Variants in OBSL1 observed in about 807,000 individuals in gnomAD.
OBSL1 encodes the protein obscurin like cytoskeletal adaptor 1.
Under a neutral mutation model 172.0 loss-of-function variants are expected in OBSL1, and 160 were observed. The observed-to-expected ratio is 0.93, with a 90% CI of 0.82 to 1.06. OBSL1 has a LOEUF of 1.06. OBSL1 is among the 50% of genes least tolerant of loss of function. OBSL1 has a pLI of 0.00. For synonymous variants in OBSL1, 1,200 were observed against 1,196.3 expected (o/e 1.00, Z -0.06); for missense variants, 2,681 against 2,715.4 (o/e 0.99, Z 0.28).
intron 5 of OBSL1, among the ~76,000 whole-genome samples, chr2:219,566,421 T>C (rs1176792267): frequency 2.7e-5 from 4 of 150,496 alleles, no homozygotes; most frequent in East Asian, 3.9e-4. Context: ...ATTGAGAAGA[T>C]TGTGTTAATG....
chr2:219,555,057 C>A, intron 14 of OBSL1: 1 of 380,862 alleles, frequency 2.6e-6, no homozygotes, highest in Non-Finnish European at 4.8e-6. Context: ...AGGAATGGAA[C>A]CTCGCTCTAC....
chr2:219,567,114 C>A lies in OBSL1; in HGVS notation c.1850G>T (p.Arg617Leu), dbSNP rs369705959. The A allele has an allele frequency of 1.3e-4, 207 of 1,612,832 alleles. No homozygotes were observed. The highest frequency in any genetic ancestry group is 9.0e-5 in the Non-Finnish European group (106 of 1,179,526). The change falls in exon 5 of 21, where the codon CGC becomes CTC. Residue 617 changes from arginine (R) to leucine (L), a missense_variant. Transcript: ENST00000404537. The stretch of plus-strand genomic sequence containing the variant: ...CACATCCTCCAGACCTGCCACCAGG[C>A]GAGCTGTGGGCACTGAGGCAGGGAC... ...HGSAHLVPTA[R>L]LVAGLEDVQV...
Position 219,567,898 on chromosome 2 carries a change from T to C in OBSL1, c.1354A>G (p.Thr452Ala), listed in dbSNP as rs770306289. The change falls in exon 3 of 21, where the codon ACT (threonine) becomes GCT (alanine). Residue 452 changes from threonine (T) to alanine (A), a missense_variant. Thr to Ala is a moderately conservative substitution (Grantham distance 58, BLOSUM62 0). This residue lies in a region of OBSL1 where 706 missense variants were observed against 695.8 expected (regional missense o/e 1.01). Transcript: ENST00000404537. ...CGTCCCTCGACCCCGGCCTCTAGAG[T>C]TTCCACTAGCAGCACAGCATTCTCT... ...EGENAVLLVETLEAGVEGRWS... is the reference protein window; with the variant it reads ...EGENAVLLVEALEAGVEGRWS... The C allele has an allele frequency of 2.5e-5, 40 of 1,612,650 alleles. No individual in the cohort carries two copies. In the South Asian group the frequency reaches 4.3e-4, roughly 17 times the overall value.
chr2:219,549,944 G>C, downstream of OBSL1: 1 of 1,532,294 alleles, frequency 6.5e-7, no homozygotes, highest in Non-Finnish European at 8.9e-7. Flanking sequence ...GGCTTTGGCT[G>C]TCCCTCTCCC....
At chr2:219,551,962 C>T in intron 19 of OBSL1, 150 bp downstream of exon 19, 3 of 926,468 alleles carry the variant, frequency 3.2e-6, no homozygotes, top group South Asian at 1.6e-5. Flanking sequence ...GCCGGGGAAA[C>T]GCGCTGCCCT....
chr2:219,562,873 C>T (rs774345955), intron 7 of OBSL1, 199 bp from the exon 8 acceptor site: 16 of 637,744 alleles, frequency 2.5e-5, no homozygotes, highest in Middle Eastern at 4.2e-4. Flanking sequence ...AGCAGACTTT[C>T]TGCTGCGCAG....
At chr2:219,570,067 G>A (rs1325619900) in intron 1 of OBSL1, among the ~76,000 whole-genome samples, 154 bp downstream of exon 1, 2 of 152,226 alleles carry the variant, frequency 1.3e-5, no homozygotes, top group Admixed American at 6.5e-5. Flanking sequence ...GAATCCCTGG[G>A]GAGTGAGAGG....
chr2:219,565,402 C>T lies in OBSL1; in HGVS notation c.2247G>A (p.Trp749Ter). 6.2e-7 allele frequency: 1 copy of T among 1,614,036 alleles called. No individual in the cohort carries two copies. Among genetic ancestry groups the T allele is most frequent in the Non-Finnish European group, 8.5e-7 (1 of 1,179,896 alleles). The change falls in exon 6 of 21, where the codon TGG (tryptophan) becomes TGA (stop). Residue 749 changes from tryptophan (W) to a stop codon, truncating the protein, a stop_gained. Coordinates refer to ENST00000404537, the MANE Select transcript of OBSL1 (RefSeq NM_015311.3). LOFTEE classifies it high-confidence loss of function. Reference sequence around the variant, plus strand: ...CCTCCACCTTCTGCCCATCCTTGTACCAGGTTGCCGGGAAGTCCACCCTTG... The same window carrying T: ...CCTCCACCTTCTGCCCATCCTTGTATCAGGTTGCCGGGAAGTCCACCCTTG... ...ELSRVDFPAT[W>*]YKDGQKVEES...
Position 219,562,904 on chromosome 2 carries a change from C to T in OBSL1, c.2681-230G>A, listed in dbSNP as rs183063839. On this transcript the variant is annotated intron_variant, in intron 7 of 20. Coordinates refer to ENST00000404537, the MANE Select transcript of OBSL1 (RefSeq NM_015311.3). ...CGCAGGAGCTGCACAGAGGGGACCA[C>T]GGGGTCAGCCTCGGCTGTAGAAACG... is the stretch of plus-strand genomic sequence containing the variant. 1.5e-4 allele frequency: 87 copies of T among 572,100 alleles called. No individual in the cohort carries two copies. The East Asian group carries it at 1.6e-3, about 11-fold the overall frequency. The allele number at this position is 572,100 out of a possible 1,614,324, so 35.4% of individuals were successfully genotyped here.
Position 219,570,398 on chromosome 2 carries a change from A to G in OBSL1, c.835T>C (p.Trp279Arg). 1 of 1,613,132 alleles carries G rather than the reference A, an allele frequency of 6.2e-7. No homozygotes were observed. Among genetic ancestry groups the G allele is most frequent in the Non-Finnish European group, 8.5e-7 (1 of 1,179,582 alleles). ...AGCAGCGGGCGGCCCTCCCAGTGCC[A>G]TTCGATCTCGGGCTCGGGCTTGCCC... ...VMGKPEPEIE[W>R]HWEGRPLLPD... The change falls in exon 1 of 21, where the codon TGG becomes CGG. Residue 279 changes from tryptophan (W) to arginine (R), a missense_variant. This residue lies in a region of OBSL1 where 706 missense variants were observed against 695.8 expected (regional missense o/e 1.01). Coordinates refer to ENST00000404537, the MANE Select transcript of OBSL1 (RefSeq NM_015311.3).
chr2:219,568,079 T>C lies in OBSL1; in HGVS notation c.1258A>G (p.Thr420Ala). Residue 420 changes from threonine to alanine, a missense_variant, in exon 2 of 21, where the codon ACC (threonine) becomes GCC (alanine). By Grantham distance (58) the Thr-to-Ala change is moderately conservative. Around this residue, in one of 5 missense-constraint regions of OBSL1, gnomAD observed 706 missense variants for 695.8 expected, o/e 1.01. Transcript: ENST00000404537. The surrounding 1 kb of genome is among the most constrained non-coding windows in gnomAD (Gnocchi z 4.1). ...YLCEMRGRVR[T>A]VANVTVKGPI... ...CCTTTGACTGTGACGTTGGCCACGG[T>C]GCGCACCCGGCCCCGCATCTCGCAC... 1 of 1,611,750 alleles carries C rather than the reference T, an allele frequency of 6.2e-7. No individual in the cohort carries two copies. The highest frequency in any genetic ancestry group is 1.3e-5 in the African/African-American group (1 of 75,018).
chr2:219,548,005 A>G (rs377576747), downstream of OBSL1: 147 of 1,589,400 alleles, frequency 9.2e-5, no homozygotes, highest in African/African-American at 1.7e-3. Context: ...CCCTGCTGGC[A>G]CTCTGGCCCC....
chr2:219,563,674 G>A, intron 6 of OBSL1, 47 bp from the exon 7 acceptor site: 1 of 1,578,358 alleles, frequency 6.3e-7, no homozygotes, highest in African/African-American at 1.3e-5. Flanking sequence ...CCCGCACAAT[G>A]AGTCCAAACT....
chr2:219,556,629 A>C lies in OBSL1; in HGVS notation c.4161T>G (p.Asp1387Glu). 6.2e-7 allele frequency: 1 copy of C among 1,613,926 alleles called. No homozygotes were observed. Residue 1387 changes from aspartate (D) to glutamate (E), a missense_variant, in exon 13 of 21, where the codon GAT becomes GAG. This residue lies in a region of OBSL1 where 1,765 missense variants were observed against 1,748.3 expected (regional missense o/e 1.01). Transcript: ENST00000404537. ...ATFRCEVSPP[D>E]ADVTWLRNGA... ...CATTGCGCAGCCAGGTGACATCGGCATCTGGTGGGGAGACTTCACACCGGA... is the reference window on the plus strand; with the variant it reads ...CATTGCGCAGCCAGGTGACATCGGCCTCTGGTGGGGAGACTTCACACCGGA...
chr2:219,552,936 G>C lies in OBSL1; in HGVS notation c.5078C>G (p.Ser1693Trp). The change falls in exon 17 of 21, where the codon TCG becomes TGG. Residue 1693 changes from serine to tryptophan, a missense_variant. Ser to Trp is a radical substitution (Grantham distance 177). Coordinates refer to ENST00000404537, the MANE Select transcript of OBSL1 (RefSeq NM_015311.3). ...CGCGCAGCTGTAGGTCCCGGCGTCC[G>C]AGGGGCCGCAGCGTCGCAGCTGGAG... ...RLLQLRRCGPSDAGTYSCAVG... is the reference protein window; with the variant it reads ...RLLQLRRCGPWDAGTYSCAVG... The C allele has an allele frequency of 6.5e-7, 1 of 1,536,520 alleles. No individual in the cohort carries two copies. The highest frequency in any genetic ancestry group is 8.7e-7 in the Non-Finnish European group (1 of 1,144,414).
rs758884694 is a variant in OBSL1, at chr2:219,563,618, A to G, written c.2417T>C (p.Val806Ala). 1.9e-6 allele frequency: 3 copies of G among 1,610,674 alleles called. No individual in the cohort carries two copies. The highest frequency in any genetic ancestry group is 2.2e-5 in the East Asian group (1 of 44,758). ...FFGVTVQDPP[V>A]HIVDPREHVF... ...ATGTTCTCGGGGGTCCACGATGTGC[A>G]CGGGAGGATCTGGGTGGGAAGCAGA... The change falls in exon 7 of 21, where the codon GTG becomes GCG. Residue 806 changes from valine to alanine, a missense_variant. Val to Ala is a moderately conservative substitution (Grantham distance 64). This residue lies in a region of OBSL1 where 1,765 missense variants were observed against 1,748.3 expected (regional missense o/e 1.01). Transcript: ENST00000404537.
chr2:219,556,030 G>C lies in OBSL1; in HGVS notation c.4599C>G (p.Leu1533=). 1 of 1,613,530 alleles carries C rather than the reference G, an allele frequency of 6.2e-7. No individual in the cohort carries two copies. The highest frequency in any genetic ancestry group is 8.5e-7 in the Non-Finnish European group (1 of 1,179,878). Residue 1533 remains leucine (L), a synonymous_variant, in exon 14 of 21, where the codon CTC becomes CTG. Coordinates refer to ENST00000404537, the MANE Select transcript of OBSL1 (RefSeq NM_015311.3). The part of the protein sequence containing the change: ...ESHHDRTLAR[L]SVRPRQLRVL... The stretch of plus-strand genomic sequence containing the variant: ...GGACGGGGCACTCACGCCTCACGCT[G>C]AGCCTGGCCAGGGTGCGATCGTGGT...
In OBSL1 at chr2:219,551,788, G is replaced by A. The variant is rs753249024; in HGVS notation, c.5424C>T (p.Leu1808=). 1.3e-6 allele frequency: 2 copies of A among 1,581,986 alleles called. No homozygotes were observed. Among genetic ancestry groups the A allele is most frequent in the East Asian group, 2.3e-5 (1 of 44,434 alleles). ...LALLEVEALP[L]QMCRHPPREK... is the part of the protein sequence containing the mutation. ...CGCGAGGGGGGTGGCGGCACATCTG[G>A]AGAGGCAATGCTGGGGGTAGGGGGC... The change falls in exon 20 of 21, where the codon CTC becomes CTT. Residue 1808 remains leucine (L), a synonymous_variant. Coordinates refer to ENST00000404537, the MANE Select transcript of OBSL1 (RefSeq NM_015311.3).
Position 219,559,299 on chromosome 2 carries a change from G to A in OBSL1, c.3152C>T (p.Ala1051Val), listed in dbSNP as rs1335150846. The change falls in exon 9 of 21, where the codon GCT becomes GTT. Residue 1051 changes from alanine (A) to valine (V), a missense_variant. Transcript: ENST00000404537. ...AAACTCGCCCCCGTCCTCGGGCTGA[G>A]CAGCAGGTAGCACCAGGCGGCAGCG... is the stretch of plus-strand genomic sequence containing the variant. The part of the protein sequence containing the change: ...GPRCRLVLPA[A>V]QPEDGGEFVC... The A allele has an allele frequency of 1.9e-6, 3 of 1,613,972 alleles. No homozygotes were observed. The highest frequency in any genetic ancestry group is 2.2e-5 in the South Asian group (2 of 91,080).
Sources: allele counts gnomAD v4.1 joint callset (sites outside exome capture counted in the v4.1 genomes callset), GRCh38; gene constraint gnomAD v4.1.1; regional missense constraint gnomAD v4.1.1; non-coding constraint Gnocchi (gnomAD v3.1); transcripts MANE v1.5; gene names NCBI Gene and HGNC (gene_info 2026-07-23, HGNC 2026-07-21).